Variants in NUP214 observed in about 807,000 individuals in gnomAD.
The protein encoded by NUP214 is nuclear pore complex protein Nup214.
A neutral mutation model predicts 196.2 loss-of-function variants in NUP214; 79 were observed. The ratio of observed to expected loss-of-function variants is 0.40; its 90% confidence interval spans 0.34 to 0.49. The LOEUF (loss-of-function observed/expected upper bound fraction) is 0.49. Among genes scored for constraint, NUP214 ranks in the 20% least tolerant of loss-of-function variants. The pLI is 0.58. For missense variants in NUP214, 2,468 were observed against 2,539.0 expected, an observed-to-expected ratio of 0.97 and a Z score of 0.60; for synonymous variants, 1,020 against 990.5, an observed-to-expected ratio of 1.03 and a Z score of -0.56.
chr9:131,190,584 T>C, intron 26 of NUP214: 1 of 602,310 alleles, frequency 1.7e-6, no homozygotes, highest in Non-Finnish European at 2.9e-6. Flanking sequence ...AAAGAGCATT[T>C]CTAAAACCTC....
At chr9:131,139,928 C>T (rs1052016256) in intron 10 of NUP214, among the ~76,000 whole-genome samples, 1 of 152,158 alleles carries the variant, frequency 6.6e-6, no homozygotes, top group African/African-American at 2.4e-5. Context: ...AAAAGTGCCA[C>T]AAAAGAAACA....
intron 32 of NUP214, among the ~76,000 whole-genome samples, chr9:131,223,727 A>ATTTATTTTATTTTTTTTTTTTTT: frequency 6.4e-5 from 1 of 15,660 alleles, no homozygotes. Context: ...TTATTTATTT[A>ATTTATTTTATTTTTTTTTTTTTT]TTTTTTTTTT....
At chr9:131,219,876 G>A (rs533841205) in intron 31 of NUP214, among the ~76,000 whole-genome samples, 13 of 152,158 alleles carry the variant, frequency 8.5e-5, no homozygotes, top group Non-Finnish European at 1.5e-4. Context: ...AGACCCTTTC[G>A]GAGTATGCAT....
Position 131,133,170 on chromosome 9 carries a change from C to T in NUP214, c.792C>T (p.Thr264=). 6.3e-7 allele frequency: 1 copy of T among 1,596,860 alleles called. No individual in the cohort carries two copies. Among genetic ancestry groups the T allele is most frequent in the Middle Eastern group, 1.7e-4 (1 of 6,006 alleles). Residue 264 remains threonine, a synonymous_variant, in exon 7 of 36, where the codon ACC becomes ACT. Transcript: ENST00000359428. ...TAGTGTATGCTGCTGCAGATGGGAC[C>T]CTGGAAACGTCTCCAGATGTGGTGA... is the stretch of plus-strand genomic sequence containing the variant. ...FAIVYAAADG[T]LETSPDVVMA...
intron 27 of NUP214, chr9:131,193,904 G>A (rs1395907128): frequency 6.7e-6 from 1 of 149,830 alleles, no homozygotes; most frequent in Non-Finnish European, 1.5e-5. Context: ...ACCCGCCTTA[G>A]CCTCCCAAAG....
At chr9:131,161,324 C>A (rs1832625659) in intron 18 of NUP214, among the ~76,000 whole-genome samples, 1 of 149,236 alleles carries the variant, frequency 6.7e-6, no homozygotes, top group Non-Finnish European at 1.5e-5. Context: ...GTGGCGCGAT[C>A]TCGGCTCACT....
At chr9:131,194,811 C>G (rs899191098) in intron 27 of NUP214, among the ~76,000 whole-genome samples, 2 of 152,158 alleles carry the variant, frequency 1.3e-5, no homozygotes, top group Non-Finnish European at 2.9e-5. Flanking sequence ...TTCTGAGAGG[C>G]TCTCCCTAGT....
intron 21 of NUP214, 37 bp from the exon 22 acceptor site, chr9:131,174,018 A>G (rs748510674): frequency 1.3e-6 from 2 of 1,597,284 alleles, no homozygotes. Context: ...GCTTGCTTTG[A>G]GTTGTCTAAA....
In NUP214 at chr9:131,204,671, AAG is replaced by A. The variant is rs577522987; in HGVS notation, c.5592+2958_5592+2959del. Among the ~76,000 whole-genome samples, 10 of 152,202 alleles carry A rather than the reference AAG, an allele frequency of 6.6e-5. 1 individual carries two copies. The highest frequency in any genetic ancestry group is 1.3e-4 in the Non-Finnish European group (9 of 68,036). On this transcript the variant is annotated intron_variant, in intron 30 of 35. Transcript: ENST00000359428. ...ACAGAGAGCGAAATGAAAGATACAA[AAG>A]AGAAAAAATCCTGTAGGAGAAAATC...
intron 14 of NUP214, among the ~76,000 whole-genome samples, chr9:131,148,789 C>G (rs1443260218): frequency 6.6e-6 from 1 of 152,166 alleles, no homozygotes; most frequent in Non-Finnish European, 1.5e-5. Context: ...TGAATACACA[C>G]ACACACGCAC....
At chr9:131,200,949 A>C (rs1004830828) in intron 29 of NUP214, among the ~76,000 whole-genome samples, 2 of 151,790 alleles carry the variant, frequency 1.3e-5, no homozygotes, top group East Asian at 1.9e-4. Flanking sequence ...ATTTCTGGTC[A>C]CTGAAAGTGA....
chr9:131,172,468 G>A (rs1048912591), intron 21 of NUP214, among the ~76,000 whole-genome samples: 3 of 152,162 alleles, frequency 2.0e-5, no homozygotes, highest in African/African-American at 7.2e-5. Context: ...TTTGTCAGAT[G>A]AGTAGGTTGT....
chr9:131,197,531 C>G lies in NUP214; in HGVS notation c.4037C>G (p.Thr1346Arg). 2 of 1,614,174 alleles carry G rather than the reference C, an allele frequency of 1.2e-6. No individual in the cohort carries two copies. Among genetic ancestry groups the G allele is most frequent in the Non-Finnish European group, 1.7e-6 (2 of 1,180,028 alleles). Residue 1346 changes from threonine to arginine, a missense_variant, in exon 29 of 36, where the codon ACA becomes AGA. This residue lies in a region of NUP214 where 1,801 missense variants were observed against 1,779.4 expected (regional missense o/e 1.01). Coordinates refer to ENST00000359428, the MANE Select transcript of NUP214 (RefSeq NM_005085.4). ...GLRVGQADDS[T>R]KPTNKASSTS... is the part of the protein sequence containing the mutation. ...CGGGTTGGCCAAGCAGATGATTCTACAAAACCAACCAATAAGGCTTCATCC... is the reference window on the plus strand; with the variant it reads ...CGGGTTGGCCAAGCAGATGATTCTAGAAAACCAACCAATAAGGCTTCATCC...
Position 131,192,383 on chromosome 9 carries a change from T to A in NUP214, c.3659+91T>A, listed in dbSNP as rs1833632110. 7.7e-6 allele frequency: 6 copies of A among 780,682 alleles called. 1 individual carries two copies. The South Asian group carries it at 1.1e-4, about 14-fold the overall frequency. The allele number at this position is 780,682 out of a possible 1,614,324, so 48.4% of individuals were successfully genotyped here. On this transcript the variant is annotated intron_variant, in intron 27 of 35. Transcript: ENST00000359428. The stretch of plus-strand genomic sequence containing the variant: ...TAGATATATTTATTTACTTATTAAA[T>A]GTGTATGAACCCAGAGTTCTTACCG...
In NUP214 at chr9:131,233,941, C is replaced by T. The variant is rs1462346324; in HGVS notation, c.*454C>T. ...GTGGGTCATCTTTTTGAGGCTGAAACTTGGTTATCTCCTCTCCTTGTTCTT... is the reference window on the plus strand; with the variant it reads ...GTGGGTCATCTTTTTGAGGCTGAAATTTGGTTATCTCCTCTCCTTGTTCTT... On this transcript the variant is annotated 3_prime_UTR_variant, in exon 36 of 36. Transcript: ENST00000359428. The T allele has an allele frequency of 3.4e-6, 1 of 293,270 alleles. No homozygotes were observed. The highest frequency in any genetic ancestry group is 6.5e-6 in the Non-Finnish European group (1 of 153,520). 18.2% of individuals were successfully genotyped at this position (293,270 alleles called of 1,614,324 possible). A position where few individuals can be genotyped will look rare whatever the true frequency, so the allele number is the denominator to read the frequency against.
intron 30 of NUP214, among the ~76,000 whole-genome samples, chr9:131,214,933 C>A (rs1173581769): frequency 6.6e-6 from 1 of 152,186 alleles, no homozygotes; most frequent in Non-Finnish European, 1.5e-5. Context: ...GTCAAACAGA[C>A]ACTGCGGGCA....
chr9:131,202,881 C>T (rs1833976703), intron 30 of NUP214, among the ~76,000 whole-genome samples: 2 of 151,700 alleles, frequency 1.3e-5, no homozygotes, highest in Non-Finnish European at 2.9e-5. Context: ...ATGTAGCTAG[C>T]AGTTATCTAT....
intron 9 of NUP214, among the ~76,000 whole-genome samples, chr9:131,137,552 C>CTTTTT (rs11338707): frequency 4.5e-5 from 4 of 88,710 alleles, no homozygotes; most frequent in Non-Finnish European, 8.5e-5. Context: ...CTGGTGGTAT[C>CTTTTT]TTTTTTTTTT....
intron 9 of NUP214, 148 bp downstream of exon 9, chr9:131,136,154 C>T (rs1831721197): frequency 3.3e-6 from 2 of 613,528 alleles, no homozygotes; most frequent in Non-Finnish European, 5.6e-6. Context: ...AATTTTGTGC[C>T]TCAGCCTCCC....
Sources: allele counts gnomAD v4.1 joint callset (sites outside exome capture counted in the v4.1 genomes callset), GRCh38; gene constraint gnomAD v4.1.1; regional missense constraint gnomAD v4.1.1; transcripts MANE v1.5; gene names NCBI Gene and HGNC (gene_info 2026-07-23, HGNC 2026-07-21).